The following CCBE1 variants were observed in gnomAD, a reference collection of about 807,000 sequenced individuals.
CCBE1 encodes collagen and calcium-binding EGF domain-containing protein 1.
A neutral mutation model predicts 50.0 loss-of-function variants in CCBE1; 37 were observed. That is an observed-to-expected ratio of 0.74 (90% CI 0.57 to 0.97). The LOEUF (loss-of-function observed/expected upper bound fraction) is 0.97. CCBE1 is among the 50% of genes least tolerant of loss of function. CCBE1 has a pLI of 0.00. For missense variants in CCBE1, 538 were observed against 523.8 expected (o/e 1.03, Z -0.26); for synonymous variants, 234 against 203.7 (o/e 1.15, Z -1.27).
At chr18:59,594,303 TAATTAC>T (rs1373049732) in intron 2 of CCBE1, among the ~76,000 whole-genome samples, 2 of 152,252 alleles carry the variant, frequency 1.3e-5, no homozygotes, top group Non-Finnish European at 2.9e-5. Context: ...TGTAGAGATC[TAATTAC>T]AATATTTAAA....
chr18:59,499,731 C>G (rs557499057), intron 2 of CCBE1, among the ~76,000 whole-genome samples: 31 of 152,324 alleles, frequency 2.0e-4, no homozygotes, highest in Non-Finnish European at 3.8e-4. Context: ...CACAGCCAAA[C>G]CATATCGCTA....
At chr18:59,506,575 TA>T (rs965868065) in intron 2 of CCBE1, among the ~76,000 whole-genome samples, 3 of 152,234 alleles carry the variant, frequency 2.0e-5, no homozygotes, top group African/African-American at 7.2e-5. Flanking sequence ...AGCCCATCTG[TA>T]AGAACCTTGT....
chr18:59,459,020 T>C (rs1310033035), intron 5 of CCBE1: 2 of 152,196 alleles, frequency 1.3e-5, no homozygotes, highest in Non-Finnish European at 2.9e-5. Context: ...TGAATGCCCA[T>C]TCTTTGAACG....
chr18:59,687,481 A>C (rs1215454809), intron 2 of CCBE1, among the ~76,000 whole-genome samples: 1 of 152,144 alleles, frequency 6.6e-6, no homozygotes, highest in Non-Finnish European at 1.5e-5. Context: ...CCAGTTTCCT[A>C]ACTTTTCCCT....
intron 2 of CCBE1, among the ~76,000 whole-genome samples, chr18:59,614,657 T>C (rs1003656720): frequency 6.6e-6 from 1 of 152,240 alleles, no homozygotes; most frequent in African/African-American, 2.4e-5. Flanking sequence ...AATCTTGATC[T>C]AGTCTAAACG....
At chr18:59,532,787 G>A (rs1039916485) in intron 2 of CCBE1, among the ~76,000 whole-genome samples, 5 of 152,256 alleles carry the variant, frequency 3.3e-5, no homozygotes, top group Middle Eastern at 3.4e-3. Context: ...TTCAAAATAC[G>A]GAGATTTCAA....
chr18:59,510,894 TCTTA>T (rs1914104140), intron 2 of CCBE1, among the ~76,000 whole-genome samples: 1 of 152,254 alleles, frequency 6.6e-6, no homozygotes, highest in Non-Finnish European at 1.5e-5. Flanking sequence ...CCTGAATCTC[TCTTA>T]CTGTCATCAG....
intron 3 of CCBE1, among the ~76,000 whole-genome samples, chr18:59,472,443 A>G (rs1912076981): frequency 6.6e-6 from 1 of 152,236 alleles, no homozygotes; most frequent in Non-Finnish European, 1.5e-5. Context: ...CTACAAATTG[A>G]TCACTGATTC....
rs1374118074 is a variant in CCBE1 at position 59,608,983 on chromosome 18, T to C, written c.212+87646A>G. Among the ~76,000 whole-genome samples, 7 of 152,220 alleles carry C rather than the reference T, an allele frequency of 4.6e-5. No individual in the cohort carries two copies. The East Asian group carries it at 5.8e-4, about 13-fold the overall frequency. On this transcript the variant is annotated intron_variant, in intron 2 of 10. Coordinates refer to ENST00000439986, the MANE Select transcript of CCBE1 (RefSeq NM_133459.4). Reference sequence around the variant, plus strand: ...ACACAGCTCTCCTGAAGGTCACCAGTGTGCTCTGTGATGGGAAACCCAACA... The same window carrying C: ...ACACAGCTCTCCTGAAGGTCACCAGCGTGCTCTGTGATGGGAAACCCAACA...
upstream of CCBE1, chr18:59,697,546 A>G: frequency 1.5e-6 from 1 of 658,804 alleles, no homozygotes. Flanking sequence ...ATCGGATGCA[A>G]ACCCAGCAGA....
rs143938797 is a variant in CCBE1, at chr18:59,696,667, C to A, written c.174G>T (p.Pro58=). 2.5e-6 allele frequency: 4 copies of A among 1,613,954 alleles called. No individual in the cohort carries two copies. The African/African-American group carries it at 5.3e-5, about 22-fold the overall frequency. ...SESKIATTKY[P]CLKSSGELTT... is the part of the protein sequence containing the mutation. ...TGAGCTCGCCTGAAGACTTCAGACA[C>A]GGGTATTTAGTCGTCGCGATTTTGC... The change falls in exon 2 of 11, where the codon CCG becomes CCT. Residue 58 remains proline (P), a synonymous_variant. Transcript: ENST00000439986.
At chr18:59,543,834 C>CAAAAAAAAAAAAAAAAAAAAAA (rs10678902) in intron 2 of CCBE1, among the ~76,000 whole-genome samples, 10 of 68,998 alleles carry the variant, frequency 1.4e-4, no homozygotes, top group African/African-American at 6.5e-4. Context: ...GACTCCGTCT[C>CAAAAAAAAAAAAAAAAAAAAAA]AAAAAAAAAA....
chr18:59,650,527 T>A (rs1406210940), intron 2 of CCBE1, among the ~76,000 whole-genome samples: 1 of 151,794 alleles, frequency 6.6e-6, no homozygotes, highest in Non-Finnish European at 1.5e-5. Flanking sequence ...GATAATCGTT[T>A]CAGAGAAGAC....
chr18:59,548,193 T>C (rs921818073), intron 2 of CCBE1, among the ~76,000 whole-genome samples: 2 of 152,164 alleles, frequency 1.3e-5, no homozygotes, highest in Non-Finnish European at 2.9e-5. Flanking sequence ...CAGTGGTTTG[T>C]TGGGGCCAAG....
chr18:59,499,132 G>A (rs1409156684), intron 2 of CCBE1, among the ~76,000 whole-genome samples: 1 of 152,154 alleles, frequency 6.6e-6, no homozygotes, highest in Non-Finnish European at 1.5e-5. Flanking sequence ...TAATTCTAGG[G>A]AACAGTCAAG....
intron 2 of CCBE1, among the ~76,000 whole-genome samples, chr18:59,546,443 G>C (rs749748064): frequency 6.6e-6 from 1 of 152,150 alleles, no homozygotes; most frequent in Non-Finnish European, 1.5e-5. Flanking sequence ...GCTTGATAAG[G>C]GTTTGTACAG....
At chr18:59,476,975 G>C (rs1416984293) in intron 3 of CCBE1, among the ~76,000 whole-genome samples, 3 of 152,170 alleles carry the variant, frequency 2.0e-5, no homozygotes, top group Non-Finnish European at 2.9e-5. Context: ...TTTGCTTCCT[G>C]TTCCTATAAC....
rs1027649074 is a variant in CCBE1, at chr18:59,676,298, A to G, written c.212+20331T>C. The stretch of plus-strand genomic sequence containing the variant: ...TCTTGGGCACTGTTGTTTTCGCCAC[A>G]TGGACTTGGATAACTTTCTCACCGG... On this transcript the variant is annotated intron_variant, in intron 2 of 10. Coordinates refer to ENST00000439986, the MANE Select transcript of CCBE1 (RefSeq NM_133459.4). Among the ~76,000 whole-genome samples, 8 of 152,354 alleles carry G rather than the reference A, an allele frequency of 5.3e-5. 1 individual carries two copies. The highest frequency in any genetic ancestry group is 6.5e-5 in the Admixed American group (1 of 15,300).
intron 2 of CCBE1, among the ~76,000 whole-genome samples, chr18:59,615,513 G>T (rs199824108): frequency 5.1e-5 from 7 of 137,800 alleles, no homozygotes; most frequent in African/African-American, 1.3e-4. Context: ...AAAAAAAAAA[G>T]ACAGAAGAGA....
Sources: gnomAD v4.1 joint callset for allele counts (sites outside exome capture counted in the v4.1 genomes callset) on GRCh38, gnomAD v4.1.1 for gene constraint, MANE v1.5 for transcripts, NCBI Gene and HGNC (gene_info 2026-07-23, HGNC 2026-07-21) for gene names.